Variants in AGGF1 observed in about 807,000 individuals in gnomAD.
AGGF1 encodes the protein angiogenic factor with G-patch and FHA domains 1, also known as angiogenic factor with G patch and FHA domains 1.
Under a neutral mutation model 86.5 loss-of-function variants are expected in AGGF1, and 56 were observed. The ratio of observed to expected loss-of-function variants is 0.65; its 90% CI spans 0.52 to 0.81. The LOEUF is 0.81. AGGF1 is among the 30% of genes least tolerant of loss of function. AGGF1 has a pLI of 0.00. For synonymous variants in AGGF1, 313 were observed against 297.1 expected, an observed-to-expected ratio of 1.05 and a Z score of -0.55; for missense variants, 816 against 850.9, an observed-to-expected ratio of 0.96 and a Z score of 0.51.
In AGGF1 at chr5:77,055,071, T is replaced by C. The variant is rs1226796338; in HGVS notation, c.1634-443T>C. Among the ~76,000 whole-genome samples, 3 of 152,290 alleles carry C rather than the reference T, an allele frequency of 2.0e-5. No individual in the cohort carries two copies. In the East Asian group the frequency reaches 5.8e-4, roughly 29 times the overall value. On this transcript the variant is annotated intron_variant, in intron 10 of 13. Coordinates refer to ENST00000312916, the MANE Select transcript of AGGF1 (RefSeq NM_018046.5). ...ATAAATTTTCCCCCTAAATGCCAAG[T>C]TTGCATGTTCATTGTTTATTTTTTG...
At chr5:77,050,296 T>A (rs983411123) in intron 8 of AGGF1, among the ~76,000 whole-genome samples, 1 of 142,216 alleles carries the variant, frequency 7.0e-6, no homozygotes, top group African/African-American at 2.5e-5. Context: ...CTTTTTCTTT[T>A]TCTTTGTTTC....
intron 1 of AGGF1, 62 bp downstream of exon 1, chr5:77,031,038 A>G: frequency 1.3e-6 from 2 of 1,571,214 alleles, no homozygotes; most frequent in Non-Finnish European, 1.7e-6. Context: ...GAAGCCCGTG[A>G]TAGCCTCGGA....
intron 7 of AGGF1, 142 bp downstream of exon 7, chr5:77,048,414 C>G: frequency 1.5e-6 from 1 of 670,772 alleles, no homozygotes; most frequent in East Asian, 2.9e-5. Context: ...TGCAGTGGCA[C>G]GATCTCGGCT....
chr5:77,059,663 A>C lies in AGGF1; in HGVS notation c.1764A>C (p.Lys588Asn), dbSNP rs1260308810. 6.2e-7 allele frequency: 1 copy of C among 1,613,192 alleles called. No individual in the cohort carries two copies. The highest frequency in any genetic ancestry group is 1.7e-5 in the Admixed American group (1 of 60,012). The change falls in exon 12 of 14, where the codon AAA becomes AAC. Residue 588 changes from lysine (K) to asparagine (N), a missense_variant. By Grantham distance (94) the Lys-to-Asn change is moderately conservative. Transcript: ENST00000312916. ...DEKTLKNPKY[K>N]DRAGKRREQV... ...AGACATTGAAGAATCCAAAATATAA[A>C]GATAGAGCTGGAAAACGTAGGGAGC...
At chr5:77,033,586 C>T (rs1408497840) in intron 1 of AGGF1, among the ~76,000 whole-genome samples, 2 of 152,176 alleles carry the variant, frequency 1.3e-5, no homozygotes, top group African/African-American at 2.4e-5. Flanking sequence ...AGATTTTTCA[C>T]GATCAGTGTC....
rs780116912 is a variant in AGGF1, at chr5:77,063,049, C to T, written c.1945-3C>T. On this transcript the variant is annotated splice_region_variant and splice_polypyrimidine_tract_variant and intron_variant, in intron 13 of 13. Coordinates refer to ENST00000312916, the MANE Select transcript of AGGF1 (RefSeq NM_018046.5). ...AAGTCCTCTGCTCAACTTTTGGTAACAGATCCAGCTTCAGCTTCGGCGAAC... is the reference window on the plus strand; with the variant it reads ...AAGTCCTCTGCTCAACTTTTGGTAATAGATCCAGCTTCAGCTTCGGCGAAC... 24 of 1,614,014 alleles carry T rather than the reference C, an allele frequency of 1.5e-5. No homozygotes were observed. In the South Asian group the frequency reaches 2.2e-4, roughly 15 times the overall value.
rs1561287762 is a variant in AGGF1 at position 77,046,505 on chromosome 5, GTCTCC to G, written c.1033_1037del (p.Pro345SerfsTer2). On this transcript the variant is annotated frameshift_variant, in exon 6 of 14. Coordinates refer to ENST00000312916, the MANE Select transcript of AGGF1 (RefSeq NM_018046.5). LOFTEE classifies it high-confidence loss of function. ...TTCCAACTAGTGGAAATACTATAGA[GTCTCC>G]TCTTCATGAAAACATCTCTAATTCA... The G allele has an allele frequency of 6.2e-7, 1 of 1,614,024 alleles. No individual in the cohort carries two copies. Among genetic ancestry groups the G allele is most frequent in the Admixed American group, 1.7e-5 (1 of 60,010 alleles).
chr5:77,045,195 G>A (rs1747221541), intron 5 of AGGF1, among the ~76,000 whole-genome samples: 1 of 152,078 alleles, frequency 6.6e-6, no homozygotes, highest in South Asian at 2.1e-4. Context: ...GAAACCAAGG[G>A]AAAAAAATGG....
chr5:77,045,484 T>G (rs1252877480), intron 5 of AGGF1, among the ~76,000 whole-genome samples: 1 of 152,204 alleles, frequency 6.6e-6, no homozygotes, highest in Admixed American at 6.5e-5. Context: ...ATAAGGCATA[T>G]CAACTATAAA....
At chr5:77,047,478 T>A (rs998202326) in intron 6 of AGGF1, among the ~76,000 whole-genome samples, 1 of 152,198 alleles carries the variant, frequency 6.6e-6, no homozygotes. Flanking sequence ...CTGTGTAGTA[T>A]ATGAGCTTAC....
intron 1 of AGGF1, among the ~76,000 whole-genome samples, chr5:77,032,025 A>G (rs566294336): frequency 2.8e-4 from 43 of 152,242 alleles, no homozygotes; most frequent in African/African-American, 9.1e-4. Flanking sequence ...CTAGTCCTTC[A>G]TAATTTATTG....
At chr5:77,045,332 C>T (rs193061451) in intron 5 of AGGF1, among the ~76,000 whole-genome samples, 2 of 152,250 alleles carry the variant, frequency 1.3e-5, no homozygotes, top group African/African-American at 4.8e-5. Flanking sequence ...AAGTTTCTTA[C>T]CACAGAAAAA....
intron 5 of AGGF1, among the ~76,000 whole-genome samples, chr5:77,041,332 C>T (rs1333892337): frequency 2.0e-5 from 3 of 151,832 alleles, no homozygotes; most frequent in Admixed American, 6.6e-5. Context: ...TTTGGGAGGC[C>T]GAGGCAGGCG....
At chr5:77,054,763 C>T (rs1472722325) in intron 10 of AGGF1, among the ~76,000 whole-genome samples, 1 of 152,006 alleles carries the variant, frequency 6.6e-6, no homozygotes, top group African/African-American at 2.4e-5. Context: ...TTAATAAAGA[C>T]TGGTTTCCTT....
chr5:77,055,932 G>T (rs1435717397), intron 11 of AGGF1, among the ~76,000 whole-genome samples: 2 of 152,280 alleles, frequency 1.3e-5, no homozygotes, highest in Non-Finnish European at 2.9e-5. Context: ...GGAGTTCAAG[G>T]CTGCAGTGAG....
intron 4 of AGGF1, 114 bp from the exon 5 acceptor site, chr5:77,039,416 GA>G: frequency 1.2e-6 from 1 of 812,238 alleles, no homozygotes; most frequent in Non-Finnish European, 1.9e-6. Flanking sequence ...ATTGTCTTCT[GA>G]AAATACTATA....
intron 5 of AGGF1, among the ~76,000 whole-genome samples, chr5:77,044,986 A>G (rs1009091452): frequency 6.6e-6 from 1 of 151,610 alleles, no homozygotes; most frequent in East Asian, 1.9e-4. Flanking sequence ...AATCTCTTGA[A>G]CCTGGGAGGT....
chr5:77,042,709 C>T (rs1246827356), intron 5 of AGGF1, among the ~76,000 whole-genome samples: 1 of 29,442 alleles, frequency 3.4e-5, no homozygotes, highest in African/African-American at 9.3e-5. Context: ...TAGGGGCGGC[C>T]GGGCAGAGGC....
chr5:77,044,863 G>C (rs1382451639), intron 5 of AGGF1, among the ~76,000 whole-genome samples: 1 of 152,096 alleles, frequency 6.6e-6, no homozygotes, highest in Non-Finnish European at 1.5e-5. Flanking sequence ...AAGAGATCGA[G>C]ACCAGTCTGG....
Sources: gnomAD v4.1 joint callset for allele counts (sites outside exome capture counted in the v4.1 genomes callset) on GRCh38, gnomAD v4.1.1 for gene constraint, MANE v1.5 for transcripts, NCBI Gene and HGNC (gene_info 2026-07-23, HGNC 2026-07-21) for gene names.